Variants in CLVS1 observed in about 807,000 individuals in gnomAD.
CLVS1 encodes clavesin 1, also known as clavesin-1.
CLVS1 carries 10 observed loss-of-function variants against 33.1 expected under a neutral mutation model. The observed-to-expected ratio is 0.30, with a 90% confidence interval of 0.19 to 0.51. The LOEUF (loss-of-function observed/expected upper bound fraction) is 0.51, where lower values mean the gene tolerates loss of function less well. Ranked by LOEUF, CLVS1 falls within the 20% of genes least tolerant of loss-of-function variation. The probability of loss-of-function intolerance (pLI) is 0.97; values close to 1 mark genes in which losing one functional copy is unlikely to be tolerated. For synonymous variants in CLVS1, 163 were observed against 166.1 expected (o/e 0.98, Z 0.14); for missense variants, 343 against 433.4 (o/e 0.79, Z 1.85).
At chr8:61,436,406 A>C (rs1298349167) in intron 3 of CLVS1, among the ~76,000 whole-genome samples, 1 of 152,134 alleles carries the variant, frequency 6.6e-6, no homozygotes, top group African/African-American at 2.4e-5. Flanking sequence ...CTTTTGCTCC[A>C]ACTACATCAC....
At chr8:61,277,691 G>A (rs1809587988) in intron 2 of CLVS1, among the ~76,000 whole-genome samples, 1 of 152,100 alleles carries the variant, frequency 6.6e-6, no homozygotes, top group Non-Finnish European at 1.5e-5. Flanking sequence ...GGGAATTACT[G>A]AAGTCTCAAG....
chr8:61,385,942 A>T (rs1585896168), intron 3 of CLVS1, among the ~76,000 whole-genome samples: 1 of 152,280 alleles, frequency 6.6e-6, no homozygotes, highest in Middle Eastern at 3.4e-3. Flanking sequence ...CCAATTAGAA[A>T]CTTAAGGAGG....
chr8:61,281,113 T>C (rs1809663080), intron 2 of CLVS1, among the ~76,000 whole-genome samples: 1 of 152,196 alleles, frequency 6.6e-6, no homozygotes, highest in Non-Finnish European at 1.5e-5. Flanking sequence ...ATCAACAGCA[T>C]CATTGCAAAA....
At chr8:61,107,597 T>C (rs1805560314) in intron 1 of CLVS1, among the ~76,000 whole-genome samples, 1 of 152,158 alleles carries the variant, frequency 6.6e-6, no homozygotes, top group Non-Finnish European at 1.5e-5. Flanking sequence ...CCTTGGGTGT[T>C]AGGTTTCAGC....
At chr8:61,465,479 T>C (rs1278602942) in intron 5 of CLVS1, 1 of 152,166 alleles carries the variant, frequency 6.6e-6, no homozygotes, top group East Asian at 1.9e-4. Context: ...TCAACCCTTA[T>C]GTAGAAAAAA....
At chr8:61,239,239 C>G (rs1808638833) in intron 2 of CLVS1, among the ~76,000 whole-genome samples, 1 of 152,062 alleles carries the variant, frequency 6.6e-6, no homozygotes, top group African/African-American at 2.4e-5. Context: ...ACTATTGCCC[C>G]CTAGGGTTGT....
intron 2 of CLVS1, among the ~76,000 whole-genome samples, chr8:61,188,195 G>T (rs1041126053): frequency 3.3e-5 from 5 of 152,094 alleles, no homozygotes; most frequent in African/African-American, 4.8e-5. Context: ...ACCTCTCATG[G>T]CATTGAAGAC....
chr8:61,118,920 G>A (rs1023174871), intron 1 of CLVS1, among the ~76,000 whole-genome samples: 55 of 151,984 alleles, frequency 3.6e-4, no homozygotes, highest in Non-Finnish European at 4.1e-4. Flanking sequence ...CAATTCCTGG[G>A]TATCCTTGTT....
At chr8:61,308,684 G>C (rs547131785) in intron 2 of CLVS1, among the ~76,000 whole-genome samples, 2 of 152,278 alleles carry the variant, frequency 1.3e-5, no homozygotes, top group South Asian at 4.2e-4. Context: ...CCTCGATGGA[G>C]ACTGTCTAGA....
chr8:61,495,405 G>A (rs913071794), intron 5 of CLVS1, among the ~76,000 whole-genome samples: 3 of 152,162 alleles, frequency 2.0e-5, no homozygotes, highest in Non-Finnish European at 2.9e-5. Context: ...TTCTTAGTGT[G>A]AGTGTGTGAA....
intron 1 of CLVS1, among the ~76,000 whole-genome samples, chr8:61,089,948 C>T (rs1374778690): frequency 9.9e-5 from 15 of 152,130 alleles, no homozygotes; most frequent in Admixed American, 9.2e-4. Flanking sequence ...TAAAAAAAAT[C>T]TCCCAGGAAG....
the CLVS1 span, among the ~76,000 whole-genome samples, chr8:60,974,220 G>A: frequency 6.6e-6 from 1 of 152,168 alleles, no homozygotes; most frequent in Admixed American, 6.5e-5. Flanking sequence ...GTGGGGAGGT[G>A]AGATGGGGGC....
chr8:61,033,121 A>AG, the CLVS1 span, among the ~76,000 whole-genome samples: 6,374 of 43,110 alleles, frequency 0.15, 876 homozygotes, highest in Middle Eastern at 0.24. Flanking sequence ...GAAGGAAGGA[A>AG]GAAAGGAAAG....
the CLVS1 span, among the ~76,000 whole-genome samples, chr8:61,034,455 C>T: frequency 6.6e-6 from 1 of 151,900 alleles, no homozygotes; most frequent in African/African-American, 2.4e-5. Context: ...AGTTGCCATG[C>T]TGTGCAATAT....
At chr8:61,494,826 T>A (rs1227490833) in intron 5 of CLVS1, among the ~76,000 whole-genome samples, 1 of 152,240 alleles carries the variant, frequency 6.6e-6, no homozygotes, top group Non-Finnish European at 1.5e-5. Context: ...AAATACTTCA[T>A]AACATAATGT....
intron 1 of CLVS1, among the ~76,000 whole-genome samples, chr8:61,077,106 C>A (rs1433757532): frequency 6.6e-6 from 1 of 152,052 alleles, no homozygotes; most frequent in Non-Finnish European, 1.5e-5. Flanking sequence ...CGGAATCTTG[C>A]TTTGTCGCCC....
chr8:61,465,304 A>G (rs1817508204), intron 5 of CLVS1: 1 of 151,980 alleles, frequency 6.6e-6, no homozygotes, highest in Admixed American at 6.6e-5. Flanking sequence ...GGACCCAATC[A>G]CTTTTCGTAA....
rs1817727157 is a variant in CLVS1 at position 61,471,281 on chromosome 8, AC to A, written c.977+12740del. On this transcript the variant is annotated intron_variant, in intron 5 of 5. Coordinates refer to ENST00000325897, the MANE Select transcript of CLVS1 (RefSeq NM_173519.3). ...AGAAGGCAGCAGAGTGAGAAAGTCA[AC>A]TGCAGAGCACCACAGAAAAACAGCA... Among the ~76,000 whole-genome samples, 4 of 152,188 alleles carry A rather than the reference AC, an allele frequency of 2.6e-5. No individual in the cohort carries two copies. In the South Asian group the frequency reaches 8.3e-4, roughly 32 times the overall value.
intron 2 of CLVS1, among the ~76,000 whole-genome samples, chr8:61,185,250 T>C (rs931762577): frequency 1.3e-5 from 2 of 151,498 alleles, no homozygotes. Context: ...CAAGGGATCC[T>C]CCTACCTCAA....
Sources: gnomAD v4.1 joint callset for allele counts (sites outside exome capture counted in the v4.1 genomes callset) on GRCh38, gnomAD v4.1.1 for gene constraint, MANE v1.5 for transcripts, NCBI Gene and HGNC (gene_info 2026-07-23, HGNC 2026-07-21) for gene names.